Variants in TNKS observed in about 807,000 individuals in gnomAD.
TNKS encodes the protein tankyrase.
TNKS carries 72 observed loss-of-function variants against 135.8 expected under a neutral mutation model. The observed-to-expected ratio is 0.53, with a 90% confidence interval of 0.44 to 0.64. TNKS has a LOEUF of 0.64. Among genes scored for constraint, TNKS ranks in the 30% least tolerant of loss-of-function variants. TNKS has a pLI of 0.00. For synonymous variants in TNKS, 849 were observed against 649.3 expected (o/e 1.31, Z -4.68); for missense variants, 1,769 against 1,674.0 (o/e 1.06, Z -0.99).
intron 2 of TNKS, among the ~76,000 whole-genome samples, chr8:9,609,488 G>C (rs1001757937): frequency 6.6e-6 from 1 of 152,170 alleles, no homozygotes; most frequent in Non-Finnish European, 1.5e-5. Context: ...ACTTTTGGGG[G>C]CCTGTGGGCT....
chr8:9,723,113 CA>C (rs1804978344), intron 12 of TNKS, among the ~76,000 whole-genome samples: 1 of 147,360 alleles, frequency 6.8e-6, no homozygotes, highest in Non-Finnish European at 1.5e-5. Context: ...AAAGCTAATA[CA>C]AATAAAAAAT....
intron 12 of TNKS, among the ~76,000 whole-genome samples, chr8:9,723,752 G>A (rs1356806643): frequency 6.6e-6 from 1 of 152,174 alleles, no homozygotes; most frequent in African/African-American, 2.4e-5. Flanking sequence ...GTAGTCACAC[G>A]TGGCTAATGG....
At chr8:9,650,039 T>G (rs945251395) in intron 3 of TNKS, among the ~76,000 whole-genome samples, 2 of 151,782 alleles carry the variant, frequency 1.3e-5, no homozygotes, top group South Asian at 4.2e-4. Flanking sequence ...ATTACAGGCA[T>G]GTGCCACCAT....
At chr8:9,721,635 T>TA (rs1482100640) in intron 12 of TNKS, among the ~76,000 whole-genome samples, 5 of 122,928 alleles carry the variant, frequency 4.1e-5, no homozygotes, top group Non-Finnish European at 7.5e-5. Context: ...TTCTTAACTC[T>TA]ATCAGGTACA....
intron 3 of TNKS, among the ~76,000 whole-genome samples, chr8:9,624,793 A>G (rs1799995588): frequency 1.3e-5 from 2 of 152,166 alleles, no homozygotes; most frequent in South Asian, 2.1e-4. Context: ...GAAGATGCAG[A>G]TGTTCAAATC....
chr8:9,708,165 G>A (rs1409009555), intron 8 of TNKS, among the ~76,000 whole-genome samples: 1 of 152,108 alleles, frequency 6.6e-6, no homozygotes. Flanking sequence ...CTGAGAGTGT[G>A]AAACAGTCTT....
chr8:9,769,717 T>G (rs1407907891), intron 25 of TNKS, among the ~76,000 whole-genome samples: 1 of 150,736 alleles, frequency 6.6e-6, no homozygotes, highest in Non-Finnish European at 1.5e-5. Context: ...CCTCCCGTGT[T>G]CGTGCCATTC....
Position 9,763,245 on chromosome 8 carries a change from G to GTAAT in TNKS, c.3372+2_3372+5dup. ...AGAATATCAGTCAGTGGAAGAAGAGGTAATATACATCAGAAATCTTTCATT... is the reference window on the plus strand; with the variant it reads ...AGAATATCAGTCAGTGGAAGAAGAGGTAATTAATATACATCAGAAATCTTTCATT... On this transcript the variant is annotated splice_donor_variant, in intron 22 of 26. Transcript: ENST00000310430. LOFTEE classifies it high-confidence loss of function. 1 of 1,570,214 alleles carries GTAAT rather than the reference G, an allele frequency of 6.4e-7. No individual in the cohort carries two copies. Among genetic ancestry groups the GTAAT allele is most frequent in the Non-Finnish European group, 8.7e-7 (1 of 1,149,230 alleles).
intron 3 of TNKS, among the ~76,000 whole-genome samples, chr8:9,622,060 A>C (rs1799886978): frequency 6.6e-6 from 1 of 152,196 alleles, no homozygotes; most frequent in Non-Finnish European, 1.5e-5. Context: ...AATTTTGGAC[A>C]TGAGCAGGAA....
intron 3 of TNKS, among the ~76,000 whole-genome samples, chr8:9,664,279 G>T (rs952587429): frequency 3.9e-5 from 6 of 152,170 alleles, no homozygotes; most frequent in African/African-American, 1.2e-4. Context: ...GACATGGCAA[G>T]GGAGGAAGCA....
chr8:9,685,663 T>C (rs1292940929), intron 5 of TNKS, among the ~76,000 whole-genome samples: 1 of 152,242 alleles, frequency 6.6e-6, no homozygotes, highest in Non-Finnish European at 1.5e-5. Flanking sequence ...CAGTTGGAGC[T>C]TGGCCTTCCC....
At chr8:9,745,041 G>A (rs766713566) in intron 17 of TNKS, among the ~76,000 whole-genome samples, 2 of 152,176 alleles carry the variant, frequency 1.3e-5, no homozygotes, top group African/African-American at 2.4e-5. Flanking sequence ...CTGTAAACAT[G>A]GGAGTTCAAT....
At chr8:9,703,236 T>C (rs1277769452) in intron 5 of TNKS, among the ~76,000 whole-genome samples, 1 of 152,148 alleles carries the variant, frequency 6.6e-6, no homozygotes, top group Non-Finnish European at 1.5e-5. Flanking sequence ...GAAGGGATGA[T>C]TCCCATCCAA....
intron 1 of TNKS, among the ~76,000 whole-genome samples, chr8:9,567,901 G>C (rs1487452007): frequency 1.3e-5 from 2 of 152,142 alleles, no homozygotes; most frequent in South Asian, 4.2e-4. Context: ...AAATGGTTAT[G>C]ATGGCAAATT....
At chr8:9,653,849 TTCTC>T (rs2128782515) in intron 3 of TNKS, among the ~76,000 whole-genome samples, 1 of 152,288 alleles carries the variant, frequency 6.6e-6, no homozygotes, top group African/African-American at 2.4e-5. Context: ...TTTCTGATCT[TTCTC>T]TCCTATTCTT....
chr8:9,666,637 T>G (rs1483858709), intron 3 of TNKS, among the ~76,000 whole-genome samples: 1 of 151,882 alleles, frequency 6.6e-6, no homozygotes. Flanking sequence ...CAAGAATTGC[T>G]TGAAACCCAG....
In TNKS at chr8:9,748,108, G is replaced by T; in HGVS notation, c.2728G>T (p.Ala910Ser). The change falls in exon 18 of 27, where the codon GCA (alanine) becomes TCA (serine). Residue 910 changes from alanine (A) to serine (S), a missense_variant. This residue lies in a region of TNKS where 722 missense variants were observed against 688.9 expected (regional missense o/e 1.05). Coordinates refer to ENST00000310430, the MANE Select transcript of TNKS (RefSeq NM_003747.3). The stretch of plus-strand genomic sequence containing the variant: ...GTGGGCGTTTACTCCCCTCCATGAA[G>T]CAGCCCAGAAAGGAAGGACGCAGCT... ...DKWAFTPLHE[A>S]AQKGRTQLCA... The T allele has an allele frequency of 1.2e-6, 2 of 1,614,048 alleles. No individual in the cohort carries two copies. The highest frequency in any genetic ancestry group is 1.7e-6 in the Non-Finnish European group (2 of 1,179,986).
intron 3 of TNKS, among the ~76,000 whole-genome samples, chr8:9,648,215 A>G (rs979980404): frequency 6.6e-6 from 1 of 152,090 alleles, no homozygotes; most frequent in Non-Finnish European, 1.5e-5. Flanking sequence ...AGATTTATTT[A>G]AAAAAATTTT....
intron 1 of TNKS, among the ~76,000 whole-genome samples, chr8:9,559,835 A>C (rs955331557): frequency 6.6e-6 from 1 of 152,186 alleles, no homozygotes; most frequent in African/African-American, 2.4e-5. Context: ...TTTGTATCCT[A>C]TCTTGGATTG....
Sources: gnomAD v4.1 joint callset for allele counts (sites outside exome capture counted in the v4.1 genomes callset) on GRCh38, gnomAD v4.1.1 for gene constraint, gnomAD v4.1.1 regional missense constraint, MANE v1.5 for transcripts, NCBI Gene and HGNC (gene_info 2026-07-23, HGNC 2026-07-21) for gene names.